The following CHRM3 variants were observed in gnomAD, a reference collection of about 807,000 sequenced individuals.
CHRM3 encodes the protein muscarinic acetylcholine receptor M3.
In CHRM3, 11 loss-of-function variants were observed where a neutral mutation model predicts 41.8. The ratio of observed to expected loss-of-function variants is 0.26; its 90% CI spans 0.17 to 0.44. The LOEUF (loss-of-function observed/expected upper bound fraction) is 0.44. Ranked by LOEUF, CHRM3 falls within the 20% of genes least tolerant of loss-of-function variation. The pLI is 1.00. For missense variants in CHRM3, 571 were observed against 745.4 expected, an observed-to-expected ratio of 0.77 and a Z score of 2.72; for synonymous variants, 297 against 301.4, an observed-to-expected ratio of 0.99 and a Z score of 0.15.
chr1:239,511,692 A>T (rs1668933310), intron 2 of CHRM3, among the ~76,000 whole-genome samples: 1 of 152,198 alleles, frequency 6.6e-6, no homozygotes, highest in Non-Finnish European at 1.5e-5. Flanking sequence ...CAAATTAAAC[A>T]TTTATTTTAA....
At chr1:239,530,307 T>A (rs1462317903) in intron 2 of CHRM3, among the ~76,000 whole-genome samples, 1 of 152,230 alleles carries the variant, frequency 6.6e-6, no homozygotes, top group East Asian at 1.9e-4. Context: ...CTCCTCAAAT[T>A]CAGCTTTCTA....
At position 239,908,357 on chromosome 1, in the gene CHRM3, C is replaced by T; in HGVS notation, c.906C>T (p.Arg302=). 1 of 1,614,124 alleles carries T rather than the reference C, an allele frequency of 6.2e-7. No homozygotes were observed. The highest frequency in any genetic ancestry group is 1.1e-5 in the South Asian group (1 of 91,086). The change falls in exon 7 of 7, where the codon CGC becomes CGT. Residue 302 remains arginine (R), a synonymous_variant. Transcript: ENST00000676153. This position sits in a 1 kb window ranked among gnomAD's most constrained non-coding sequence, Gnocchi z 7.2. The stretch of plus-strand genomic sequence containing the variant: ...AACTTCAACAGCAAAGCATGAAACG[C>T]TCCAACAGGAGGAAGTATGGCCGCT... ...SYELQQQSMK[R]SNRRKYGRCH...
rs374797525 is a variant in CHRM3, at chr1:239,455,007, CTT to C, written c.-520-37701_-520-37700del. ...TGGTGATATATTATTACATTACTGACTTATGTATTTACTATACTATATGTTTT... is the reference window on the plus strand; with the variant it reads ...TGGTGATATATTATTACATTACTGACATGTATTTACTATACTATATGTTTT... On this transcript the variant is annotated intron_variant, in intron 1 of 6. Coordinates refer to ENST00000676153, the MANE Select transcript of CHRM3 (RefSeq NM_001375978.1). 8.5e-5 allele frequency among the ~76,000 whole-genome samples: 13 copies of C among 152,120 alleles called. No individual in the cohort carries two copies. The East Asian group carries it at 2.5e-3, about 29-fold the overall frequency.
chr1:239,731,062 T>C (rs1233411396), intron 5 of CHRM3, among the ~76,000 whole-genome samples: 2 of 151,886 alleles, frequency 1.3e-5, no homozygotes, highest in African/African-American at 4.8e-5. Flanking sequence ...GGTTGGAAGA[T>C]AGTGGTGCCA....
At chr1:239,592,853 T>C (rs556669785) in intron 3 of CHRM3, among the ~76,000 whole-genome samples, 1 of 152,276 alleles carries the variant, frequency 6.6e-6, no homozygotes, top group South Asian at 2.1e-4. Context: ...TGCATCGTTT[T>C]GTGCTTAATC....
chr1:239,867,950 C>T (rs144112980), intron 6 of CHRM3, among the ~76,000 whole-genome samples: 27 of 152,288 alleles, frequency 1.8e-4, no homozygotes, highest in African/African-American at 6.3e-4. Flanking sequence ...GTTTCACATA[C>T]GCTTCGGAGG....
At position 239,748,912 on chromosome 1, in the gene CHRM3, G is replaced by A. The variant is rs1006854191; in HGVS notation, c.-147+70624G>A. Among the ~76,000 whole-genome samples the A allele has an allele frequency of 6.6e-6, 1 of 152,156 alleles. No homozygotes were observed. Among genetic ancestry groups the A allele is most frequent in the Non-Finnish European group, 1.5e-5 (1 of 68,030 alleles). ...GGAAAATGATTTCTGGGGCACACCA[G>A]CCCTGTACTGGCAGTTCTTTGCAAA... On this transcript the variant is annotated intron_variant, in intron 5 of 6. Coordinates refer to ENST00000676153, the MANE Select transcript of CHRM3 (RefSeq NM_001375978.1). The surrounding 1 kb of genome is among the most constrained non-coding windows in gnomAD (Gnocchi z 4.3).
chr1:239,387,539 A>G lies in CHRM3; in HGVS notation c.-521+312A>G. Among the ~76,000 whole-genome samples the G allele has an allele frequency of 6.6e-6, 1 of 151,972 alleles. No homozygotes were observed. Among genetic ancestry groups the G allele is most frequent in the South Asian group, 2.1e-4 (1 of 4,792 alleles). On this transcript the variant is annotated intron_variant, in intron 1 of 6. Transcript: ENST00000676153. This position sits in a 1 kb window ranked among gnomAD's most constrained non-coding sequence, Gnocchi z 5.1. ...GGGAATCATGCGAGCGGTGGCCGGG[A>G]GAGAGTCGGGGACGTCCCACCCCGC... is the stretch of plus-strand genomic sequence containing the variant.
At chr1:239,608,880 AT>A (rs940025762) in intron 3 of CHRM3, among the ~76,000 whole-genome samples, 5 of 151,498 alleles carry the variant, frequency 3.3e-5, no homozygotes, top group Middle Eastern at 3.4e-3. Context: ...ACAGATCCCC[AT>A]TTTTTTTTAA....
chr1:239,751,872 C>A (rs1665861263), intron 5 of CHRM3, among the ~76,000 whole-genome samples: 1 of 152,184 alleles, frequency 6.6e-6, no homozygotes, highest in African/African-American at 2.4e-5. Flanking sequence ...AAAATAGAAA[C>A]TATAATAATA....
At chr1:239,897,443 T>G (rs749732536) in intron 6 of CHRM3, among the ~76,000 whole-genome samples, 1 of 152,200 alleles carries the variant, frequency 6.6e-6, no homozygotes, top group Non-Finnish European at 1.5e-5. Flanking sequence ...AATGACTGTT[T>G]TCACTAGATT....
chr1:239,582,597 T>A (rs1374582448), intron 3 of CHRM3, among the ~76,000 whole-genome samples: 5 of 152,144 alleles, frequency 3.3e-5, no homozygotes, highest in Non-Finnish European at 5.9e-5. Flanking sequence ...ATCTTTTGTG[T>A]GTTGCAGGCA....
At chr1:239,684,456 GGCCGAGGAGT>G (rs1443740843) in intron 5 of CHRM3, among the ~76,000 whole-genome samples, 1 of 152,006 alleles carries the variant, frequency 6.6e-6, no homozygotes, top group Non-Finnish European at 1.5e-5. Context: ...GACTTTGGGA[GGCCGAGGAGT>G]GCGGATCACT....
At chr1:239,820,619 T>G (rs1477332545) in intron 5 of CHRM3, among the ~76,000 whole-genome samples, 1 of 152,118 alleles carries the variant, frequency 6.6e-6, no homozygotes, top group Non-Finnish European at 1.5e-5. Context: ...CTTTGAGGCT[T>G]TTTTTTCAGT....
chr1:239,577,794 C>A (rs1413745494), intron 3 of CHRM3, among the ~76,000 whole-genome samples: 1 of 151,912 alleles, frequency 6.6e-6, no homozygotes, highest in African/African-American at 2.4e-5. Flanking sequence ...ATGTTCAGAC[C>A]ATGCATTATC....
At position 239,531,749 on chromosome 1, in the gene CHRM3, T is replaced by G. The variant is rs1421781577; in HGVS notation, c.-421-13892T>G. On this transcript the variant is annotated intron_variant, in intron 2 of 6. Transcript: ENST00000676153. ...ATCTTGGCTCACTGTAACCTCCACC[T>G]GCTGGGTTCATGCAATTCTCCTGTC... is the stretch of plus-strand genomic sequence containing the variant. 4.3e-5 allele frequency among the ~76,000 whole-genome samples: 6 copies of G among 139,674 alleles called. No individual in the cohort carries two copies. The South Asian group carries it at 9.7e-4, about 23-fold the overall frequency. 91.6% of individuals were successfully genotyped at this position (139,674 alleles called of 152,430 possible). A position where few individuals can be genotyped will look rare whatever the true frequency, so the allele number is the denominator to read the frequency against.
At chr1:239,623,486 T>A (rs142150818) in intron 3 of CHRM3, among the ~76,000 whole-genome samples, 43,053 of 133,560 alleles carry the variant, frequency 0.32, 7,138 homozygotes, top group East Asian at 0.68. Flanking sequence ...TGTATAAGTT[T>A]TTTTTTTTTT....
At chr1:239,668,997 G>T (rs184371423) in intron 4 of CHRM3, among the ~76,000 whole-genome samples, 2 of 152,064 alleles carry the variant, frequency 1.3e-5, no homozygotes, top group East Asian at 3.9e-4. Flanking sequence ...TTCTTTCTGC[G>T]TCCTTAATCA....
intron 5 of CHRM3, among the ~76,000 whole-genome samples, chr1:239,684,675 AAAGG>A (rs1179199435): frequency 7.3e-5 from 11 of 150,562 alleles, no homozygotes; most frequent in Admixed American, 2.0e-4. Context: ...AGAAAGAAAA[AAAGG>A]AAGGAAGGAA....
Sources: gnomAD v4.1 joint callset for allele counts (sites outside exome capture counted in the v4.1 genomes callset) on GRCh38, gnomAD v4.1.1 for gene constraint, Gnocchi (gnomAD v3.1) non-coding constraint, MANE v1.5 for transcripts, NCBI Gene and HGNC (gene_info 2026-07-23, HGNC 2026-07-21) for gene names.